CIMIP6: variants seen among roughly 807,000 people sequenced by gnomAD.
CIMIP6 encodes ciliary microtubule inner protein 6, also known as uncharacterized protein C2orf73.
the CIMIP6 span, among the ~76,000 whole-genome samples, chr2:54,362,181 GGAGA>G: frequency 6.6e-6 from 1 of 152,072 alleles, no homozygotes; most frequent in East Asian, 1.9e-4. Flanking sequence ...AACCCTCCCT[GGAGA>G]GAGTTTCATG....
At chr2:54,358,710 A>G in the CIMIP6 span, among the ~76,000 whole-genome samples, 1 of 152,168 alleles carries the variant, frequency 6.6e-6, no homozygotes, top group Non-Finnish European at 1.5e-5. Context: ...ATATTGTTGT[A>G]TTAATATTAA....
At chr2:54,353,785 C>T in the CIMIP6 span, among the ~76,000 whole-genome samples, 4 of 152,260 alleles carry the variant, frequency 2.6e-5, no homozygotes, top group South Asian at 2.1e-4. Context: ...TTAGTTCCCA[C>T]GTTACAAATA....
At chr2:54,360,343 A>G in the CIMIP6 span, 1 of 1,610,832 alleles carries the variant, frequency 6.2e-7, no homozygotes, top group African/African-American at 1.3e-5. Flanking sequence ...ACTCAGCGGA[A>G]AGCAGAATGA....
the CIMIP6 span, among the ~76,000 whole-genome samples, chr2:54,367,856 T>G: frequency 1.3e-5 from 2 of 152,194 alleles, no homozygotes; most frequent in Non-Finnish European, 2.9e-5. Flanking sequence ...ACTTGCAATA[T>G]TTTCTTTATT....
the CIMIP6 span, among the ~76,000 whole-genome samples, chr2:54,332,028 A>G: frequency 6.6e-6 from 1 of 152,226 alleles, no homozygotes. Context: ...TTGTATTTCT[A>G]ACAAGGTCAC....
the CIMIP6 span, among the ~76,000 whole-genome samples, chr2:54,378,281 G>A: frequency 5.3e-5 from 8 of 152,170 alleles, no homozygotes. Flanking sequence ...GGTTACCAAC[G>A]CAGGATAACC....
chr2:54,381,803 T>C, the CIMIP6 span: 1 of 1,509,086 alleles, frequency 6.6e-7, no homozygotes, highest in South Asian at 1.3e-5. Context: ...CCATCAGACT[T>C]TTTCCCATAA....
chr2:54,383,665 G>A, the CIMIP6 span: 4 of 150,708 alleles, frequency 2.7e-5, no homozygotes, highest in Middle Eastern at 3.4e-3. Flanking sequence ...AATTATTCGC[G>A]TAAATATATT....
At chr2:54,346,041 T>TC in the CIMIP6 span, among the ~76,000 whole-genome samples, 1 of 151,990 alleles carries the variant, frequency 6.6e-6, no homozygotes, top group Non-Finnish European at 1.5e-5. Context: ...CCATTTTTTT[T>TC]CAAGTGGCAC....
chr2:54,349,292 A>C, the CIMIP6 span, among the ~76,000 whole-genome samples: 1 of 152,104 alleles, frequency 6.6e-6, no homozygotes, highest in African/African-American at 2.4e-5. Context: ...TAAGATCAGA[A>C]TACTGAGAAG....
chr2:54,363,498 T>G, the CIMIP6 span, among the ~76,000 whole-genome samples: 50 of 152,214 alleles, frequency 3.3e-4, no homozygotes, highest in Admixed American at 1.3e-4. Flanking sequence ...GCCCAAGGCT[T>G]CTTCTACCTC....
chr2:54,356,191 GT>G, the CIMIP6 span, among the ~76,000 whole-genome samples: 1 of 150,408 alleles, frequency 6.6e-6, no homozygotes, highest in Non-Finnish European at 1.5e-5. Flanking sequence ...GTATCTTGAT[GT>G]TTTTAATTCA....
the CIMIP6 span, among the ~76,000 whole-genome samples, chr2:54,354,666 T>C: frequency 6.6e-6 from 1 of 152,100 alleles, no homozygotes; most frequent in Non-Finnish European, 1.5e-5. Context: ...TGATTTTTGA[T>C]TTTTATACAT....
chr2:54,337,996 G>T, the CIMIP6 span, among the ~76,000 whole-genome samples: 1 of 152,174 alleles, frequency 6.6e-6, no homozygotes, highest in East Asian at 1.9e-4. Flanking sequence ...AAATAGCTGG[G>T]TGTAATGGTG....
At chr2:54,357,743 A>ATT in the CIMIP6 span, among the ~76,000 whole-genome samples, 309 of 144,340 alleles carry the variant, frequency 2.1e-3, 3 homozygotes, top group African/African-American at 4.2e-3. Flanking sequence ...CGCCCAGCTA[A>ATT]TTTTTTTTTT....
chr2:54,349,580 T>C, the CIMIP6 span, among the ~76,000 whole-genome samples: 3 of 152,216 alleles, frequency 2.0e-5, no homozygotes, highest in African/African-American at 7.2e-5. Flanking sequence ...GCAGTTCTCA[T>C]CAAATGAGGC....
chr2:54,349,869 G>C, the CIMIP6 span, among the ~76,000 whole-genome samples: 1 of 138,620 alleles, frequency 7.2e-6, no homozygotes, highest in Non-Finnish European at 1.5e-5. Flanking sequence ...TTTTTTTTGA[G>C]ACGGAGTCTC....
the CIMIP6 span, among the ~76,000 whole-genome samples, chr2:54,372,437 A>T: frequency 6.6e-6 from 1 of 152,088 alleles, no homozygotes; most frequent in Non-Finnish European, 1.5e-5. Context: ...AGGCTTTTTG[A>T]AGCTCCTCCT....
the CIMIP6 span, among the ~76,000 whole-genome samples, chr2:54,376,486 T>A: frequency 6.6e-6 from 1 of 152,196 alleles, no homozygotes; most frequent in Non-Finnish European, 1.5e-5. Flanking sequence ...GGGGTAGAAA[T>A]TCCTTCACTG....
Sources: gnomAD v4.1 joint callset for allele counts (sites outside exome capture counted in the v4.1 genomes callset) on GRCh38, gnomAD v4.1.1 for gene constraint, MANE v1.5 for transcripts, NCBI Gene and HGNC (gene_info 2026-07-23, HGNC 2026-07-21) for gene names.